Variants in VPS28 observed in about 807,000 individuals in gnomAD.
VPS28 encodes the protein vacuolar protein sorting-associated protein 28 homolog.
A neutral mutation model predicts 33.7 loss-of-function variants in VPS28; 29 were observed. The observed-to-expected ratio is 0.86, with a 90% CI of 0.64 to 1.17. The LOEUF (loss-of-function observed/expected upper bound fraction) is 1.17, where lower values mean the gene tolerates loss of function less well. VPS28 is among the 50% of genes most tolerant of loss of function. The pLI, the probability that VPS28 is intolerant of heterozygous loss-of-function variation, is 0.00. For synonymous variants in VPS28, 164 were observed against 116.7 expected (o/e 1.40, Z -2.61); for missense variants, 247 against 312.2 (o/e 0.79, Z 1.57).
rs939013740 is a variant in VPS28 at position 144,428,495 on chromosome 8, G to A, written c.-41C>T. The A allele has an allele frequency of 4.6e-5, 7 of 152,260 alleles. No individual in the cohort carries two copies. The highest frequency in any genetic ancestry group is 1.4e-4 in the African/African-American group (6 of 41,474). The allele number at this position is 152,260 out of a possible 1,614,324, so 9.4% of individuals were successfully genotyped here. A position where few individuals can be genotyped will look rare whatever the true frequency, so the allele number is the denominator to read the frequency against. On this transcript the variant is annotated 5_prime_UTR_variant, in exon 1 of 10. Coordinates refer to ENST00000292510, the MANE Select transcript of VPS28 (RefSeq NM_016208.4). ...CCGGCCGGGCCCCGGGTACCTGGAC[G>A]GCTCGCGGTCGGGAAGATGGCGCCG...
chr8:144,427,744 G>T (rs544435581), intron 1 of VPS28, among the ~76,000 whole-genome samples: 1 of 152,222 alleles, frequency 6.6e-6, no homozygotes, highest in Non-Finnish European at 1.5e-5. Context: ...CCCGTGGGAG[G>T]GTCCTGCCTA....
rs1393877832 is a variant in VPS28 at position 144,426,038 on chromosome 8, C to T, written c.92G>A (p.Arg31Gln). The T allele has an allele frequency of 1.3e-5, 20 of 1,528,872 alleles. No individual in the cohort carries two copies. The highest frequency in any genetic ancestry group is 4.9e-5 in the East Asian group (2 of 40,412). 94.7% of individuals were successfully genotyped at this position (1,528,872 alleles called of 1,614,324 possible). The change falls in exon 4 of 10, where the codon CGG (arginine) becomes CAG (glutamine). Residue 31 changes from arginine (R) to glutamine (Q), a missense_variant. By Grantham distance (43) the Arg-to-Gln change is conservative. Coordinates refer to ENST00000292510, the MANE Select transcript of VPS28 (RefSeq NM_016208.4). ...CGCCTGGACTTACTTCTCCCTCTCC[C>T]GGGCGTTCTTGTACAACTTCACTTC... ...YEEVKLYKNA[R>Q]EREKYDNMAE...
chr8:144,428,259 T>C (rs782798540), intron 1 of VPS28, among the ~76,000 whole-genome samples: 2 of 152,224 alleles, frequency 1.3e-5, no homozygotes, highest in African/African-American at 2.4e-5. Flanking sequence ...CAGGAGCTTC[T>C]GCCTAACAGC....
Position 144,423,643 on chromosome 8 carries a change from G to C in VPS28, c.*162C>G. 3.3e-6 allele frequency: 3 copies of C among 898,568 alleles called. No individual in the cohort carries two copies. Among genetic ancestry groups the C allele is most frequent in the Non-Finnish European group, 3.4e-6 (2 of 585,238 alleles). 55.7% of individuals were successfully genotyped at this position (898,568 alleles called of 1,614,324 possible). ...AAGGTCGGAGAGCATCTTTATTGTG[G>C]GGAGGGGCCCGGCCCCCAAAGTTCT... On this transcript the variant is annotated 3_prime_UTR_variant, in exon 10 of 10. Coordinates refer to ENST00000292510, the MANE Select transcript of VPS28 (RefSeq NM_016208.4).
intron 2 of VPS28, 74 bp downstream of exon 2, chr8:144,426,828 CCCCCGAT>C (rs1822789973): frequency 2.0e-6 from 3 of 1,527,332 alleles, no homozygotes; most frequent in Non-Finnish European, 2.7e-6. Flanking sequence ...TACCTCCCCA[CCCCCGAT>C]CCCCAATACC....
chr8:144,424,829 G>C lies in VPS28; in HGVS notation c.301-10C>G. 6.2e-7 allele frequency: 1 copy of C among 1,613,856 alleles called. No individual in the cohort carries two copies. The highest frequency in any genetic ancestry group is 8.5e-7 in the Non-Finnish European group (1 of 1,179,908). On this transcript the variant is annotated splice_polypyrimidine_tract_variant and intron_variant, in intron 6 of 9. Coordinates refer to ENST00000292510, the MANE Select transcript of VPS28 (RefSeq NM_016208.4). ...CCAGCGGGCAGTCCAGCTGTTGGGG[G>C]TGACATGGGTGCTGGGGCTCTCAGG...
At chr8:144,428,076 C>T (rs1309554157) in intron 1 of VPS28, among the ~76,000 whole-genome samples, 3 of 151,978 alleles carry the variant, frequency 2.0e-5, no homozygotes, top group East Asian at 3.9e-4. Context: ...GGCGCCCCAG[C>T]CGAGGAAGAG....
In VPS28 at chr8:144,423,658, C is replaced by T; in HGVS notation, c.*147G>A. On this transcript the variant is annotated 3_prime_UTR_variant, in exon 10 of 10. Transcript: ENST00000292510. ...CTTTATTGTGGGGAGGGGCCCGGCC[C>T]CCAAAGTTCTGACACCAAAGACAGA... 2 of 1,085,748 alleles carry T rather than the reference C, an allele frequency of 1.8e-6. No individual in the cohort carries two copies. The highest frequency in any genetic ancestry group is 1.5e-5 in the South Asian group (1 of 67,022). The allele number at this position is 1,085,748 out of a possible 1,614,324, so 67.3% of individuals were successfully genotyped here. A position where few individuals can be genotyped will look rare whatever the true frequency, so the allele number is the denominator to read the frequency against.
At chr8:144,425,269 C>G (rs1250479891) in intron 5 of VPS28, 1 of 598,392 alleles carries the variant, frequency 1.7e-6, no homozygotes, top group East Asian at 2.8e-5. Context: ...ACCCCGGCCC[C>G]CAACCCCTGC....
intron 4 of VPS28, 99 bp from the exon 5 acceptor site, chr8:144,425,871 C>A: frequency 6.4e-7 from 1 of 1,570,294 alleles, no homozygotes; most frequent in South Asian, 1.2e-5. Flanking sequence ...GGCGCTCTGC[C>A]CACCTCTTGC....
chr8:144,425,003 G>A lies in VPS28; in HGVS notation c.243C>T (p.Phe81=), dbSNP rs1443454887. 8.4e-6 allele frequency: 13 copies of A among 1,555,860 alleles called. No individual in the cohort carries two copies. The African/African-American group carries it at 1.1e-4, about 13-fold the overall frequency. ...SRLLVQYKAA[F]RQVQGSEISS... ...TGATTTCTGAGCCCTGGACCTGCCTGAAGGCAGCTTTGTATTGGACCAGGA... is the reference window on the plus strand; with the variant it reads ...TGATTTCTGAGCCCTGGACCTGCCTAAAGGCAGCTTTGTATTGGACCAGGA... Residue 81 remains phenylalanine (F), a synonymous_variant, in exon 6 of 10, where the codon TTC becomes TTT. Coordinates refer to ENST00000292510, the MANE Select transcript of VPS28 (RefSeq NM_016208.4).
intron 5 of VPS28, chr8:144,425,399 T>A: frequency 1.8e-6 from 1 of 566,458 alleles, no homozygotes. Flanking sequence ...CCCCAAAAGA[T>A]CCTGGGACAT....
chr8:144,425,461 T>A, intron 5 of VPS28: 1 of 591,862 alleles, frequency 1.7e-6, no homozygotes, highest in East Asian at 2.8e-5. Flanking sequence ...GGGATGAGGG[T>A]GGGGGAGTGG....
chr8:144,426,161 G>A lies in VPS28; in HGVS notation c.66+19C>T. 2.5e-6 allele frequency: 4 copies of A among 1,604,348 alleles called. No individual in the cohort carries two copies. The highest frequency in any genetic ancestry group is 3.4e-6 in the Non-Finnish European group (4 of 1,175,720). On this transcript the variant is annotated intron_variant, in intron 3 of 9. Transcript: ENST00000292510. ...TTTGCTGTTGGCCAATGCCGGCCGG[G>A]TGGGCACCCACCACTCACCTCATAC...
rs1387055367 is a variant in VPS28 at position 144,426,987 on chromosome 8, G to C, written c.-34-8C>G. Reference sequence around the variant, plus strand: ...GGGGCACAGCACTGAGACCTGGGGAGCAGAGCCAGGGCCGACTCAAAGATG... The same window carrying C: ...GGGGCACAGCACTGAGACCTGGGGACCAGAGCCAGGGCCGACTCAAAGATG... On this transcript the variant is annotated splice_polypyrimidine_tract_variant and splice_region_variant and intron_variant, in intron 1 of 9. Coordinates refer to ENST00000292510, the MANE Select transcript of VPS28 (RefSeq NM_016208.4). The C allele has an allele frequency of 2.5e-6, 4 of 1,607,180 alleles. No individual in the cohort carries two copies. The Admixed American group carries it at 5.1e-5, about 20-fold the overall frequency.
intron 1 of VPS28, 21 bp from the exon 2 acceptor site, chr8:144,427,000 C>T (rs1248365926): frequency 6.3e-6 from 10 of 1,594,976 alleles, no homozygotes; most frequent in East Asian, 4.5e-5. Flanking sequence ...GAGCCAGGGC[C>T]GACTCAAAGA....
rs1157529992 is a variant in VPS28, at chr8:144,423,621, G to A, written c.*184C>T. ...CTGGGGGAGCCACCCAAGCAGGAAGGTCGGAGAGCATCTTTATTGTGGGGA... is the reference window on the plus strand; with the variant it reads ...CTGGGGGAGCCACCCAAGCAGGAAGATCGGAGAGCATCTTTATTGTGGGGA... On this transcript the variant is annotated 3_prime_UTR_variant, in exon 10 of 10. Transcript: ENST00000292510. 7 of 748,528 alleles carry A rather than the reference G, an allele frequency of 9.4e-6. No homozygotes were observed. The East Asian group carries it at 1.6e-4, about 17-fold the overall frequency. The allele number at this position is 748,528 out of a possible 1,614,324, so 46.4% of individuals were successfully genotyped here. A position where few individuals can be genotyped will look rare whatever the true frequency, so the allele number is the denominator to read the frequency against.
At chr8:144,425,263 C>T (rs1255290286) in intron 5 of VPS28, 4 of 598,128 alleles carry the variant, frequency 6.7e-6, no homozygotes, top group East Asian at 2.8e-5. Context: ...GTGGAGACCC[C>T]GGCCCCCAAC....
chr8:144,424,474 ACT>A (rs1486927106), intron 7 of VPS28: 6 of 802,124 alleles, frequency 7.5e-6, no homozygotes, highest in Admixed American at 2.9e-5. Flanking sequence ...CCACACCCAC[ACT>A]CTCTCCCGAG....
Sources: allele counts gnomAD v4.1 joint callset (sites outside exome capture counted in the v4.1 genomes callset), GRCh38; gene constraint gnomAD v4.1.1; transcripts MANE v1.5; gene names NCBI Gene and HGNC (gene_info 2026-07-23, HGNC 2026-07-21).